The following RB1 variants were observed in gnomAD, a reference collection of about 807,000 sequenced individuals.
RB1 encodes the protein RB transcriptional corepressor 1, also known as retinoblastoma-associated protein.
Under a neutral mutation model 135.4 loss-of-function variants are expected in RB1, and 18 were observed. The ratio of observed to expected loss-of-function variants is 0.13; its 90% CI spans 0.09 to 0.20. The LOEUF (loss-of-function observed/expected upper bound fraction) is 0.20, where lower values mean the gene tolerates loss of function less well. Among genes scored for constraint, RB1 ranks in the 10% least tolerant of loss-of-function variants. The pLI, the probability that RB1 is intolerant of heterozygous loss-of-function variation, is 1.00. For missense variants in RB1, 868 were observed against 1,110.0 expected, an observed-to-expected ratio of 0.78 and a Z score of 3.10; for synonymous variants, 365 against 373.2, an observed-to-expected ratio of 0.98 and a Z score of 0.25.
chr13:48,479,850 CG>C (rs1949526949), intron 26 of RB1, 147 bp from the exon 27 acceptor site: 2 of 684,060 alleles, frequency 2.9e-6, no homozygotes, highest in South Asian at 3.2e-5. Flanking sequence ...TAACTCCCTA[CG>C]GTACTGTCAA....
At chr13:48,408,712 T>C (rs1215702069) in intron 17 of RB1, 19 of 152,320 alleles carry the variant, frequency 1.2e-4, no homozygotes, top group African/African-American at 2.4e-5. Flanking sequence ...ATGTTTGTTA[T>C]CTGTTATGTA....
intron 8 of RB1, 114 bp from the exon 9 acceptor site, chr13:48,364,780 T>C: frequency 1.6e-5 from 20 of 1,235,176 alleles, no homozygotes; most frequent in Non-Finnish European, 2.2e-5. Context: ...TATACACAGA[T>C]TTTTTACTGC....
intron 12 of RB1, 63 bp from the exon 13 acceptor site, chr13:48,376,855 A>G: frequency 6.2e-7 from 1 of 1,607,186 alleles, no homozygotes; most frequent in Admixed American, 1.7e-5. Flanking sequence ...ATTATGGAGC[A>G]GAAAATATTA....
chr13:48,333,647 G>T (rs892282930), intron 2 of RB1, among the ~76,000 whole-genome samples: 2 of 151,574 alleles, frequency 1.3e-5, no homozygotes, highest in Non-Finnish European at 2.9e-5. Context: ...AATGGGAGCT[G>T]AAGAAACTAT....
At chr13:48,454,577 C>T (rs1340344105) in intron 18 of RB1, among the ~76,000 whole-genome samples, 1 of 152,100 alleles carries the variant, frequency 6.6e-6, no homozygotes, top group African/African-American at 2.4e-5. Context: ...AGGAGGAACA[C>T]AGGCAATGAA....
intron 1 of RB1, among the ~76,000 whole-genome samples, chr13:48,305,974 T>C (rs1952077317): frequency 6.6e-6 from 1 of 152,160 alleles, no homozygotes; most frequent in Non-Finnish European, 1.5e-5. Context: ...TAATCAAAGG[T>C]TAATCATGTT....
At chr13:48,422,419 A>G (rs1299679656) in intron 17 of RB1, among the ~76,000 whole-genome samples, 2 of 152,144 alleles carry the variant, frequency 1.3e-5, no homozygotes, top group African/African-American at 4.8e-5. Context: ...AACATAGATG[A>G]TGGGTTGATG....
intron 24 of RB1, among the ~76,000 whole-genome samples, chr13:48,473,953 C>T (rs1458341010): frequency 6.6e-6 from 1 of 152,106 alleles, no homozygotes; most frequent in East Asian, 1.9e-4. Flanking sequence ...CAGTTTGATC[C>T]ACTGCCAGAA....
intron 17 of RB1, among the ~76,000 whole-genome samples, chr13:48,392,379 G>C (rs1948617648): frequency 6.6e-6 from 1 of 152,206 alleles, no homozygotes; most frequent in African/African-American, 2.4e-5. Context: ...CCAAAGTGCT[G>C]GGATTACAAG....
At chr13:48,389,677 A>G (rs1402330754) in intron 17 of RB1, 1 of 152,052 alleles carries the variant, frequency 6.6e-6, no homozygotes, top group South Asian at 2.1e-4. Context: ...AGGTGCCTGG[A>G]GCTATAGGGT....
At chr13:48,463,618 ACT>A (rs1475833103) in intron 20 of RB1, 111 bp from the exon 21 acceptor site, 20 of 725,152 alleles carry the variant, frequency 2.8e-5, no homozygotes, top group Non-Finnish European at 4.7e-5. Flanking sequence ...GAAAGAAATA[ACT>A]CTGTAGATTA....
At position 48,386,978 on chromosome 13, in the gene RB1, A is replaced by T. The variant is rs188853613; in HGVS notation, c.1695+5535A>T. Among the ~76,000 whole-genome samples the T allele has an allele frequency of 4.7e-3, 716 of 152,336 alleles. 2 individuals carry two copies. The highest frequency in any genetic ancestry group is 0.016 in the African/African-American group (676 of 41,576). ...AGATTGTTTCCAGTTCCGCCCTGCA[A>T]CTAACCTTTAAGAAACTATGACTTG... is the stretch of plus-strand genomic sequence containing the variant. On this transcript the variant is annotated intron_variant, in intron 17 of 26. Coordinates refer to ENST00000267163, the MANE Select transcript of RB1 (RefSeq NM_000321.3).
intron 6 of RB1, among the ~76,000 whole-genome samples, chr13:48,353,684 G>C (rs1339099438): frequency 6.6e-6 from 1 of 151,974 alleles, no homozygotes; most frequent in Non-Finnish European, 1.5e-5. Flanking sequence ...TATTGATACA[G>C]AAATCTTCAA....
At chr13:48,392,238 G>A (rs922170108) in intron 17 of RB1, among the ~76,000 whole-genome samples, 1 of 152,072 alleles carries the variant, frequency 6.6e-6, no homozygotes, top group African/African-American at 2.4e-5. Flanking sequence ...AGCCTCCTGA[G>A]TGACTGGGAC....
intron 2 of RB1, chr13:48,320,459 C>T (rs992755053): frequency 2.3e-6 from 2 of 867,742 alleles, no homozygotes; most frequent in South Asian, 1.5e-5. Flanking sequence ...CCTGGAGTAG[C>T]GTTCCTGAGA....
At chr13:48,409,776 T>C (rs12584784) in intron 17 of RB1, among the ~76,000 whole-genome samples, 4,505 of 151,902 alleles carry the variant, frequency 0.03, 191 homozygotes, top group East Asian at 0.13. Context: ...AGACGGGGTT[T>C]CACCATGTTG....
intron 17 of RB1, among the ~76,000 whole-genome samples, chr13:48,394,795 G>A (rs1275964834): frequency 2.6e-5 from 4 of 152,222 alleles, no homozygotes. Context: ...GAGCACGTGG[G>A]GGAAGGCGCA....
intron 17 of RB1, among the ~76,000 whole-genome samples, chr13:48,414,432 G>GT (rs1387479878): frequency 2.6e-5 from 4 of 151,788 alleles, no homozygotes. Flanking sequence ...TTAAATGTAG[G>GT]TGTTATTTCC....
chr13:48,379,772 CA>C, intron 14 of RB1, 122 bp downstream of exon 14: 1 of 1,274,910 alleles, frequency 7.8e-7, no homozygotes, highest in Non-Finnish European at 1.1e-6. Flanking sequence ...TCATCCTGGC[CA>C]AAATGGTGAA....
Sources: allele counts gnomAD v4.1 joint callset (sites outside exome capture counted in the v4.1 genomes callset), GRCh38; gene constraint gnomAD v4.1.1; transcripts MANE v1.5; gene names NCBI Gene and HGNC (gene_info 2026-07-23, HGNC 2026-07-21).